The following ABTB3 variants were observed in gnomAD, a reference collection of about 807,000 sequenced individuals.
The protein encoded by ABTB3 is ankyrin repeat and BTB domain containing 3, also known as ankyrin repeat- and BTB/POZ domain-containing protein 3.
the ABTB3 span, among the ~76,000 whole-genome samples, chr12:107,335,921 G>T: frequency 6.6e-6 from 1 of 152,126 alleles, no homozygotes; most frequent in Non-Finnish European, 1.5e-5. Context: ...AGAATTCAGG[G>T]TCCAACAACT....
chr12:107,341,674 G>A, the ABTB3 span, among the ~76,000 whole-genome samples: 2 of 152,278 alleles, frequency 1.3e-5, no homozygotes, highest in African/African-American at 4.8e-5. Context: ...TGGGTGAAGT[G>A]ATCCCTGAGG....
the ABTB3 span, among the ~76,000 whole-genome samples, chr12:107,320,331 A>T: frequency 6.6e-6 from 1 of 152,220 alleles, no homozygotes; most frequent in Admixed American, 6.5e-5. Context: ...GGGCGGGGCG[A>T]CAGCTGCCTC....
the ABTB3 span, among the ~76,000 whole-genome samples, chr12:107,432,107 T>C: frequency 6.6e-6 from 1 of 152,224 alleles, no homozygotes; most frequent in Non-Finnish European, 1.5e-5. Context: ...GCCATTTCTG[T>C]GTATAAGGAG....
At chr12:107,500,698 T>A in the ABTB3 span, among the ~76,000 whole-genome samples, 7 of 152,090 alleles carry the variant, frequency 4.6e-5, no homozygotes, top group South Asian at 2.1e-4. Flanking sequence ...CACCTTTTTT[T>A]AAAAACAAGC....
chr12:107,454,975 T>C, the ABTB3 span, among the ~76,000 whole-genome samples: 1 of 152,204 alleles, frequency 6.6e-6, no homozygotes, highest in Admixed American at 6.5e-5. Context: ...TCCATTCCCA[T>C]TTAAGAGAGA....
At chr12:107,651,159 C>T in the ABTB3 span, among the ~76,000 whole-genome samples, 12 of 152,198 alleles carry the variant, frequency 7.9e-5, no homozygotes, top group Admixed American at 5.2e-4. Context: ...CGATGAAAAC[C>T]GACACAGATC....
chr12:107,480,107 T>C, the ABTB3 span, among the ~76,000 whole-genome samples: 1 of 152,018 alleles, frequency 6.6e-6, no homozygotes, highest in South Asian at 2.1e-4. Context: ...TTAAAAAGGA[T>C]GGACAGTAGG....
At chr12:107,470,458 A>G in the ABTB3 span, among the ~76,000 whole-genome samples, 1 of 151,800 alleles carries the variant, frequency 6.6e-6, no homozygotes, top group Non-Finnish European at 1.5e-5. Flanking sequence ...TTGAGAGCCT[A>G]CCCTCCCCAC....
the ABTB3 span, among the ~76,000 whole-genome samples, chr12:107,394,590 C>G: frequency 6.6e-6 from 1 of 152,176 alleles, no homozygotes; most frequent in Admixed American, 6.5e-5. Context: ...GCTTTAGAGC[C>G]AAATGACAGA....
chr12:107,508,858 G>C, the ABTB3 span, among the ~76,000 whole-genome samples: 1 of 152,202 alleles, frequency 6.6e-6, no homozygotes, highest in Admixed American at 6.5e-5. Flanking sequence ...CTACTGTTTA[G>C]GGGACAAGGG....
the ABTB3 span, among the ~76,000 whole-genome samples, chr12:107,561,275 G>A: frequency 0.017 from 2,617 of 152,218 alleles, 74 homozygotes; most frequent in African/African-American, 0.058. Flanking sequence ...CTAGTAAAAG[G>A]AAACTAAAGA....
At chr12:107,369,728 T>G in the ABTB3 span, among the ~76,000 whole-genome samples, 1 of 148,926 alleles carries the variant, frequency 6.7e-6, no homozygotes, top group African/African-American at 2.5e-5. Flanking sequence ...TTTTTTTTTT[T>G]TTTTTTCTGA....
chr12:107,563,526 A>G, the ABTB3 span, among the ~76,000 whole-genome samples: 4 of 152,208 alleles, frequency 2.6e-5, no homozygotes, highest in African/African-American at 9.7e-5. Flanking sequence ...ACAAAGATGA[A>G]CAATTCATGC....
the ABTB3 span, among the ~76,000 whole-genome samples, chr12:107,376,673 T>C: frequency 6.6e-6 from 1 of 152,166 alleles, no homozygotes; most frequent in Non-Finnish European, 1.5e-5. Flanking sequence ...GTAGAGGTTC[T>C]CAGCACCGAG....
the ABTB3 span, among the ~76,000 whole-genome samples, chr12:107,403,256 C>A: frequency 2.0e-5 from 3 of 152,190 alleles, no homozygotes; most frequent in Non-Finnish European, 4.4e-5. Flanking sequence ...GTTCATATCG[C>A]CCATGGCCCA....
At chr12:107,320,122 C>T in the ABTB3 span, 3 of 1,372,266 alleles carry the variant, frequency 2.2e-6, no homozygotes, top group Non-Finnish European at 2.9e-6. Flanking sequence ...ACCTGGCCAA[C>T]TCTTGGCGCA....
the ABTB3 span, among the ~76,000 whole-genome samples, chr12:107,506,892 A>AG: frequency 6.6e-6 from 1 of 152,252 alleles, no homozygotes; most frequent in Non-Finnish European, 1.5e-5. Flanking sequence ...AACTAATAAT[A>AG]GGGGTTACCT....
the ABTB3 span, among the ~76,000 whole-genome samples, chr12:107,348,745 C>G: frequency 1.3e-5 from 2 of 152,048 alleles, no homozygotes; most frequent in Non-Finnish European, 2.9e-5. Context: ...GAAATCTGTT[C>G]AAGGTCCTAT....
the ABTB3 span, among the ~76,000 whole-genome samples, chr12:107,637,682 C>T: frequency 3.2e-4 from 48 of 152,066 alleles, no homozygotes; most frequent in South Asian, 3.5e-3. Context: ...GATCTCAAAC[C>T]GGCATCTCTG....
Sources: gnomAD v4.1 joint callset for allele counts (sites outside exome capture counted in the v4.1 genomes callset) on GRCh38, gnomAD v4.1.1 for gene constraint, MANE v1.5 for transcripts, NCBI Gene and HGNC (gene_info 2026-07-23, HGNC 2026-07-21) for gene names.